Variants in OPCML observed in about 807,000 individuals in gnomAD.
The protein encoded by OPCML is opioid binding protein/cell adhesion molecule like.
In OPCML, 13 loss-of-function variants were observed where a neutral mutation model predicts 37.8. The observed-to-expected ratio is 0.34, with a 90% CI of 0.22 to 0.55. The LOEUF (loss-of-function observed/expected upper bound fraction) is 0.55. OPCML is among the 20% of genes least tolerant of loss of function. OPCML has a pLI of 0.91. For missense variants in OPCML, 341 were observed against 435.6 expected (o/e 0.78, Z 1.93); for synonymous variants, 176 against 168.8 (o/e 1.04, Z -0.33).
chr11:133,004,638 A>G lies in OPCML; in HGVS notation c.62-61628T>C, dbSNP rs1256827744. 3.0e-6 allele frequency: 3 copies of G among 985,442 alleles called. No individual in the cohort carries two copies. In the South Asian group the frequency reaches 1.4e-4, roughly 46 times the overall value. The allele number at this position is 985,442 out of a possible 1,614,324, so 61.0% of individuals were successfully genotyped here. A position where few individuals can be genotyped will look rare whatever the true frequency, so the allele number is the denominator to read the frequency against. ...TCCAGTTGCTGCCCCCACTGCTAAC[A>G]GCTGCTCGGGAGGCCAGCTGGCGAG... On this transcript the variant is annotated intron_variant, in intron 1 of 7. Transcript: ENST00000524381.
intron 1 of OPCML, chr11:133,004,408 A>G (rs1266178837): frequency 1.0e-6 from 1 of 985,362 alleles, no homozygotes; most frequent in Admixed American, 6.1e-5. Context: ...CGTGTCTATC[A>G]TCTGGCAATT....
intron 1 of OPCML, among the ~76,000 whole-genome samples, chr11:133,399,863 T>C (rs887888083): frequency 6.7e-6 from 1 of 148,706 alleles, no homozygotes; most frequent in Non-Finnish European, 1.5e-5. Context: ...TATATATATA[T>C]ATTATATATA....
At position 132,705,186 on chromosome 11, in the gene OPCML, C is replaced by T. The variant is rs563483429; in HGVS notation, c.147-47867G>A. On this transcript the variant is annotated intron_variant, in intron 2 of 7. Coordinates refer to ENST00000524381, the MANE Select transcript of OPCML (RefSeq NM_001012393.5). ...TCCCCAGTGTTGGAGGTGGGGCCTG[C>T]TGGCAGCTGATTGGATCATGGGAGT... is the stretch of plus-strand genomic sequence containing the variant. 9.9e-5 allele frequency among the ~76,000 whole-genome samples: 15 copies of T among 152,248 alleles called. 1 individual carries two copies. In the South Asian group the frequency reaches 2.3e-3, roughly 23 times the overall value.
At chr11:132,948,952 A>G (rs546692788) in intron 1 of OPCML, among the ~76,000 whole-genome samples, 1 of 152,352 alleles carries the variant, frequency 6.6e-6, no homozygotes, top group Admixed American at 6.5e-5. Flanking sequence ...ACAGGGCTGT[A>G]ATGATCACAA....
intron 1 of OPCML, among the ~76,000 whole-genome samples, chr11:133,170,028 T>C (rs1185275551): frequency 1.3e-5 from 2 of 152,218 alleles, no homozygotes; most frequent in South Asian, 2.1e-4. Context: ...AAGCACGTTT[T>C]TGAAAATTAA....
At chr11:132,469,770 ATGTGTGGAGGGGTGTG>A (rs1434791114) in intron 4 of OPCML, among the ~76,000 whole-genome samples, 33 of 27,634 alleles carry the variant, frequency 1.2e-3, no homozygotes, top group Admixed American at 3.4e-3. Context: ...GTGTGTGTGT[ATGTGTGGAGGGGTGTG>A]TGTGTGGAGG....
Position 132,471,394 on chromosome 11 carries a change from G to A in OPCML, c.506-34035C>T, listed in dbSNP as rs182974169. 1.8e-4 allele frequency among the ~76,000 whole-genome samples: 28 copies of A among 152,318 alleles called. No homozygotes were observed. The East Asian group carries it at 4.2e-3, about 23-fold the overall frequency. ...CCAGGCTTAGTAGTTTAAAACAACAGTAATCATTTGTTGTCTCTCATGGTG... is the reference window on the plus strand; with the variant it reads ...CCAGGCTTAGTAGTTTAAAACAACAATAATCATTTGTTGTCTCTCATGGTG... On this transcript the variant is annotated intron_variant, in intron 4 of 7. Coordinates refer to ENST00000524381, the MANE Select transcript of OPCML (RefSeq NM_001012393.5).
intron 3 of OPCML, among the ~76,000 whole-genome samples, chr11:132,538,136 T>C (rs2096345846): frequency 6.6e-6 from 1 of 152,120 alleles, no homozygotes. Flanking sequence ...TTGGTCATAA[T>C]AGACAAAATT....
chr11:133,449,312 G>A (rs979906178), intron 1 of OPCML, among the ~76,000 whole-genome samples: 1 of 152,304 alleles, frequency 6.6e-6, no homozygotes, highest in South Asian at 2.1e-4. Context: ...CAACTACTCA[G>A]CTTTACCATT....
chr11:132,746,866 G>T (rs1237995058), intron 2 of OPCML, among the ~76,000 whole-genome samples: 1 of 152,118 alleles, frequency 6.6e-6, no homozygotes, highest in Non-Finnish European at 1.5e-5. Flanking sequence ...CAAGCCCTGT[G>T]GTAAGAGCAA....
At chr11:133,378,931 AT>A (rs1459753874) in intron 1 of OPCML, among the ~76,000 whole-genome samples, 2 of 151,816 alleles carry the variant, frequency 1.3e-5, no homozygotes, top group Non-Finnish European at 2.9e-5. Context: ...TTTTTATTTT[AT>A]TTTTGTAGAG....
chr11:133,088,811 C>T (rs932821485), intron 1 of OPCML, among the ~76,000 whole-genome samples: 14 of 152,290 alleles, frequency 9.2e-5, no homozygotes, highest in African/African-American at 3.4e-4. Context: ...GAGAGGGGGG[C>T]AGGTTTGGCA....
intron 2 of OPCML, among the ~76,000 whole-genome samples, chr11:132,769,522 C>T (rs1255287320): frequency 1.3e-5 from 2 of 152,206 alleles, no homozygotes; most frequent in Non-Finnish European, 2.9e-5. Context: ...AGCTCACACA[C>T]AGCTGCCCAT....
chr11:132,963,901 T>G (rs972215515), intron 1 of OPCML, among the ~76,000 whole-genome samples: 2 of 152,198 alleles, frequency 1.3e-5, no homozygotes, highest in African/African-American at 4.8e-5. Flanking sequence ...AGCTGCATCT[T>G]GAACCCTTCT....
intron 1 of OPCML, among the ~76,000 whole-genome samples, chr11:133,515,841 A>AG (rs1453774767): frequency 1.4e-5 from 2 of 140,942 alleles, no homozygotes; most frequent in Admixed American, 6.7e-5. Context: ...TGCCAAGAAG[A>AG]GGAAAAAAAA....
chr11:132,943,221 A>G lies in OPCML; in HGVS notation c.62-211T>C. On this transcript the variant is annotated intron_variant, in intron 1 of 7. Coordinates refer to ENST00000524381, the MANE Select transcript of OPCML (RefSeq NM_001012393.5). The surrounding 1 kb of genome is among the most constrained non-coding windows in gnomAD (Gnocchi z 4.3). ...GCAGAGTTCGCCAGGAGCAGGGGGA[A>G]GGAGAAGAGAGGAGTCCGGGCTCTC... The G allele has an allele frequency of 7.6e-7, 1 of 1,316,456 alleles. No homozygotes were observed. The highest frequency in any genetic ancestry group is 2.5e-5 in the East Asian group (1 of 40,660). 81.5% of individuals were successfully genotyped at this position (1,316,456 alleles called of 1,614,324 possible).
At chr11:132,954,845 G>A (rs1479394502) in intron 1 of OPCML, among the ~76,000 whole-genome samples, 1 of 152,160 alleles carries the variant, frequency 6.6e-6, no homozygotes, top group African/African-American at 2.4e-5. Context: ...GAGGAAGCCT[G>A]AGGAATGGCC....
intron 2 of OPCML, among the ~76,000 whole-genome samples, chr11:132,682,894 C>T (rs57044301): frequency 0.022 from 3,384 of 152,300 alleles, 136 homozygotes; most frequent in African/African-American, 0.077. Context: ...TCACTTGTCA[C>T]CAGCAGGTGC....
intron 2 of OPCML, among the ~76,000 whole-genome samples, chr11:132,875,165 T>C (rs1023926971): frequency 1.3e-5 from 2 of 152,182 alleles, no homozygotes; most frequent in African/African-American, 4.8e-5. Context: ...TCATGTAAAG[T>C]AGAAATTACA....
Sources: gnomAD v4.1 joint callset for allele counts (sites outside exome capture counted in the v4.1 genomes callset) on GRCh38, gnomAD v4.1.1 for gene constraint, Gnocchi (gnomAD v3.1) non-coding constraint, MANE v1.5 for transcripts, NCBI Gene and HGNC (gene_info 2026-07-23, HGNC 2026-07-21) for gene names.